The following GLT8D2 variants were observed in gnomAD, a reference collection of about 807,000 sequenced individuals.
The protein encoded by GLT8D2 is glycosyltransferase 8 domain containing 2, also known as glycosyltransferase 8 domain-containing protein 2.
Under a neutral mutation model 44.5 loss-of-function variants are expected in GLT8D2, and 45 were observed. That is an observed-to-expected ratio of 1.01 (90% CI 0.80 to 1.30). The LOEUF (loss-of-function observed/expected upper bound fraction) is 1.30. Among genes scored for constraint, GLT8D2 ranks in the 50% most tolerant of loss-of-function variants. GLT8D2 has a pLI of 0.00. For missense variants in GLT8D2, 400 were observed against 430.4 expected (o/e 0.93, Z 0.62); for synonymous variants, 156 against 157.2 (o/e 0.99, Z 0.06).
intron 3 of GLT8D2, among the ~76,000 whole-genome samples, chr12:104,016,251 G>A (rs945912600): frequency 3.3e-5 from 5 of 152,100 alleles, no homozygotes; most frequent in African/African-American, 1.2e-4. Context: ...TTGAATTTAT[G>A]TGATTCTTCT....
At chr12:104,012,970 A>C in intron 4 of GLT8D2, 1 of 570,700 alleles carries the variant, frequency 1.8e-6, no homozygotes, top group South Asian at 2.3e-5. Context: ...AAACCTGCTC[A>C]CACCTTGATC....
At chr12:104,042,496 GATTA>G (rs1880665894) in intron 1 of GLT8D2, among the ~76,000 whole-genome samples, 2 of 152,232 alleles carry the variant, frequency 1.3e-5, no homozygotes, top group Non-Finnish European at 2.9e-5. Flanking sequence ...CATTCCAGTA[GATTA>G]AGTAGGTTCT....
intron 1 of GLT8D2, among the ~76,000 whole-genome samples, chr12:104,055,877 T>G (rs1882144699): frequency 6.6e-6 from 1 of 152,178 alleles, no homozygotes; most frequent in African/African-American, 2.4e-5. Context: ...GGCTCCAAGA[T>G]CACACATATG....
intron 4 of GLT8D2, 21 bp downstream of exon 4, chr12:104,014,992 A>G (rs369895281): frequency 4.5e-6 from 7 of 1,557,218 alleles, no homozygotes; most frequent in Non-Finnish European, 5.3e-6. Context: ...TCCCAACTCA[A>G]TGAATTCCAT....
chr12:104,005,739 C>G (rs1422748887), intron 4 of GLT8D2, among the ~76,000 whole-genome samples: 2 of 152,066 alleles, frequency 1.3e-5, no homozygotes, highest in African/African-American at 2.4e-5. Context: ...AACAACAGGT[C>G]CTGGAGAGGA....
Position 103,989,339 on chromosome 12 carries a change from TG to T in GLT8D2, c.*68del. ...CAAAGGTAATATTCATAAAGAACAA[TG>T]TTATAGTTGGCTACAAAGGGACAAT... is the stretch of plus-strand genomic sequence containing the variant. On this transcript the variant is annotated 3_prime_UTR_variant, in exon 11 of 11. Coordinates refer to ENST00000360814, the MANE Select transcript of GLT8D2 (RefSeq NM_001384711.1). 7.7e-7 allele frequency: 1 copy of T among 1,303,732 alleles called. No homozygotes were observed. The highest frequency in any genetic ancestry group is 2.4e-5 in the Admixed American group (1 of 42,428). 80.8% of individuals were successfully genotyped at this position (1,303,732 alleles called of 1,614,324 possible).
At chr12:103,995,086 T>C (rs1377974995) in intron 8 of GLT8D2, among the ~76,000 whole-genome samples, 1 of 152,074 alleles carries the variant, frequency 6.6e-6, no homozygotes, top group Non-Finnish European at 1.5e-5. Context: ...GCCAACCACT[T>C]CTCTTGCCAC....
At chr12:104,048,637 A>C (rs1247874613) in intron 1 of GLT8D2, among the ~76,000 whole-genome samples, 1 of 152,200 alleles carries the variant, frequency 6.6e-6, no homozygotes, top group East Asian at 1.9e-4. Flanking sequence ...GGAAGAAAGG[A>C]AGAAAGCAAA....
intron 3 of GLT8D2, among the ~76,000 whole-genome samples, chr12:104,016,863 A>G (rs535671838): frequency 4.0e-5 from 6 of 151,014 alleles, no homozygotes; most frequent in African/African-American, 1.5e-4. Context: ...AGAAAGAAAG[A>G]AAGAAAGAAA....
At chr12:104,012,907 A>G in intron 4 of GLT8D2, 2 of 645,332 alleles carry the variant, frequency 3.1e-6, no homozygotes, top group Non-Finnish European at 5.5e-6. Flanking sequence ...ACGTGAGGAC[A>G]CAGCAAGAAG....
intron 1 of GLT8D2, among the ~76,000 whole-genome samples, chr12:104,025,794 C>T (rs1357128218): frequency 6.6e-6 from 1 of 151,962 alleles, no homozygotes; most frequent in Admixed American, 6.6e-5. Context: ...ATATTTTGTT[C>T]CAATTTCAGG....
chr12:104,014,334 AAC>A, intron 4 of GLT8D2: 1 of 694,720 alleles, frequency 1.4e-6, no homozygotes, highest in East Asian at 2.7e-5. Context: ...GAGCTGGGGC[AAC>A]AGAGTGAGAT....
chr12:104,042,674 G>A (rs971330170), intron 1 of GLT8D2, among the ~76,000 whole-genome samples: 10 of 152,152 alleles, frequency 6.6e-5, no homozygotes, highest in African/African-American at 2.2e-4. Context: ...GTAGGGTGGG[G>A]TGTCCTATCT....
intron 3 of GLT8D2, among the ~76,000 whole-genome samples, chr12:104,019,356 G>A (rs753173184): frequency 2.6e-5 from 4 of 151,828 alleles, no homozygotes; most frequent in Admixed American, 6.6e-5. Flanking sequence ...TCGAACTCCC[G>A]AGCTCAACTG....
upstream of GLT8D2, among the ~76,000 whole-genome samples, chr12:104,052,313 GC>G (rs1881795139): frequency 6.6e-6 from 1 of 152,260 alleles, no homozygotes; most frequent in African/African-American, 2.4e-5. Flanking sequence ...TTTGAATATA[GC>G]CAAAGCATTT....
At chr12:104,025,678 T>G (rs955232630) in intron 1 of GLT8D2, among the ~76,000 whole-genome samples, 5 of 152,228 alleles carry the variant, frequency 3.3e-5, no homozygotes, top group African/African-American at 1.2e-4. Flanking sequence ...AGATTAAACT[T>G]AATCTTTTAG....
chr12:104,003,670 T>TA (rs546304547), intron 4 of GLT8D2, among the ~76,000 whole-genome samples: 213 of 152,224 alleles, frequency 1.4e-3, no homozygotes, highest in African/African-American at 4.9e-3. Context: ...TGGTGGGAGT[T>TA]AGAGTTGCCA....
intron 3 of GLT8D2, among the ~76,000 whole-genome samples, chr12:104,018,958 T>A (rs1310189362): frequency 6.6e-6 from 1 of 152,298 alleles, no homozygotes; most frequent in African/African-American, 2.4e-5. Context: ...GGTATGAAGA[T>A]TCGAGATGAC....
intron 1 of GLT8D2, among the ~76,000 whole-genome samples, chr12:104,032,770 C>T (rs1879457631): frequency 1.3e-5 from 2 of 151,494 alleles, no homozygotes; most frequent in Non-Finnish European, 2.9e-5. Flanking sequence ...TCAAAAAATT[C>T]AAAATAGAGC....
Sources: allele counts gnomAD v4.1 joint callset (sites outside exome capture counted in the v4.1 genomes callset), GRCh38; gene constraint gnomAD v4.1.1; transcripts MANE v1.5; gene names NCBI Gene and HGNC (gene_info 2026-07-23, HGNC 2026-07-21).